Variants in TLL1 observed in about 807,000 individuals in gnomAD.
TLL1 encodes tolloid-like protein 1.
In TLL1, 49 loss-of-function variants were observed where a neutral mutation model predicts 128.2. The ratio of observed to expected loss-of-function variants is 0.38; its 90% confidence interval spans 0.30 to 0.48. The LOEUF (loss-of-function observed/expected upper bound fraction) is 0.48, where lower values mean the gene tolerates loss of function less well. Ranked by LOEUF, TLL1 falls within the 20% of genes least tolerant of loss-of-function variation. The pLI is 0.96. For synonymous variants in TLL1, 454 were observed against 418.8 expected, an observed-to-expected ratio of 1.08 and a Z score of -1.03; for missense variants, 1,123 against 1,242.0, an observed-to-expected ratio of 0.90 and a Z score of 1.44.
In TLL1 at chr4:166,021,567, G is replaced by C. The variant is rs1458580145; in HGVS notation, c.1043-3749G>C. On this transcript the variant is annotated intron_variant, in intron 8 of 20. Coordinates refer to ENST00000061240, the MANE Select transcript of TLL1 (RefSeq NM_012464.5). ...CCTGCCTCAGCCTCCCAAGTAGCTG[G>C]GACTACAGGTGTGTGCCACCATGCC... 2.2e-4 allele frequency among the ~76,000 whole-genome samples: 34 copies of C among 151,750 alleles called. 1 individual carries two copies. Among genetic ancestry groups the C allele is most frequent in the Admixed American group, 2.2e-3 (34 of 15,218 alleles).
At chr4:166,041,789 C>A (rs1472789500) in intron 10 of TLL1, among the ~76,000 whole-genome samples, 5 of 152,138 alleles carry the variant, frequency 3.3e-5, no homozygotes, top group African/African-American at 4.8e-5. Context: ...GGTAACAATA[C>A]TGACATCAGT....
intron 12 of TLL1, among the ~76,000 whole-genome samples, chr4:166,049,361 A>T (rs1262157328): frequency 6.6e-6 from 1 of 152,150 alleles, no homozygotes; most frequent in Non-Finnish European, 1.5e-5. Context: ...TCCTTTTGTA[A>T]CTATCTTCAC....
chr4:165,956,997 A>G (rs1487918735), intron 1 of TLL1, among the ~76,000 whole-genome samples: 1 of 152,062 alleles, frequency 6.6e-6, no homozygotes, highest in East Asian at 1.9e-4. Flanking sequence ...TCAAAACCTC[A>G]AATATCAGTA....
chr4:166,038,881 G>A (rs1739117550), intron 9 of TLL1, among the ~76,000 whole-genome samples: 1 of 152,102 alleles, frequency 6.6e-6, no homozygotes, highest in Non-Finnish European at 1.5e-5. Flanking sequence ...GTGGCACATG[G>A]TGGTTATTTT....
At chr4:166,042,687 T>C (rs1739290130) in intron 11 of TLL1, among the ~76,000 whole-genome samples, 1 of 152,202 alleles carries the variant, frequency 6.6e-6, no homozygotes, top group South Asian at 2.1e-4. Flanking sequence ...TGCCAGGTTG[T>C]GGGTGGAGGA....
chr4:166,034,697 A>G (rs929593148), intron 9 of TLL1, among the ~76,000 whole-genome samples: 3 of 152,164 alleles, frequency 2.0e-5, no homozygotes, highest in Non-Finnish European at 1.5e-5. Context: ...AATATCACCT[A>G]TAGGATTTGA....
intron 5 of TLL1, among the ~76,000 whole-genome samples, chr4:166,002,253 C>T (rs952172581): frequency 6.6e-6 from 1 of 152,054 alleles, no homozygotes; most frequent in Admixed American, 6.5e-5. Flanking sequence ...GTGATCTCTT[C>T]ATAAAGGCAG....
At chr4:165,886,180 C>G (rs1413651156) in intron 1 of TLL1, among the ~76,000 whole-genome samples, 1 of 151,972 alleles carries the variant, frequency 6.6e-6, no homozygotes, top group Non-Finnish European at 1.5e-5. Context: ...ATTAAAAGAG[C>G]ACTGGATATT....
intron 1 of TLL1, among the ~76,000 whole-genome samples, chr4:165,988,888 G>A (rs187825879): frequency 6.6e-6 from 1 of 152,174 alleles, no homozygotes; most frequent in African/African-American, 2.4e-5. Context: ...TGAATGAATT[G>A]CTACAATAGC....
chr4:166,059,047 A>G (rs1373834402), intron 14 of TLL1, among the ~76,000 whole-genome samples: 2 of 152,184 alleles, frequency 1.3e-5, no homozygotes, highest in Non-Finnish European at 2.9e-5. Context: ...TATTTTTAAA[A>G]GAGGACATTG....
intron 1 of TLL1, among the ~76,000 whole-genome samples, chr4:165,975,596 G>GA (rs1481240349): frequency 9.2e-5 from 14 of 152,052 alleles, no homozygotes; most frequent in Non-Finnish European, 1.6e-4. Flanking sequence ...GAAAATAAAA[G>GA]AAAAAATATT....
chr4:166,066,949 A>G (rs1740600984), intron 16 of TLL1, among the ~76,000 whole-genome samples: 1 of 151,814 alleles, frequency 6.6e-6, no homozygotes, highest in Non-Finnish European at 1.5e-5. Flanking sequence ...TATGTGTGTT[A>G]TAAAGTTTAA....
At position 165,896,479 on chromosome 4, in the gene TLL1, CTTT is replaced by C. The variant is rs70955648; in HGVS notation, c.169+22425_169+22427del. On this transcript the variant is annotated intron_variant, in intron 1 of 20. Coordinates refer to ENST00000061240, the MANE Select transcript of TLL1 (RefSeq NM_012464.5). ...GAGATTGCTGGGTCAAATGGTATTT[CTTT>C]TTTTTTTTTTTTTTTTTTCAGACCG... Among the ~76,000 whole-genome samples the C allele has an allele frequency of 2.4e-4, 25 of 102,148 alleles. 1 individual carries two copies. The highest frequency in any genetic ancestry group is 7.5e-4 in the African/African-American group (21 of 28,162). The allele number at this position is 102,148 out of a possible 152,430, so 67.0% of individuals were successfully genotyped here.
chr4:166,000,712 A>C (rs1009244658), intron 5 of TLL1, among the ~76,000 whole-genome samples: 2 of 152,154 alleles, frequency 1.3e-5, no homozygotes, highest in African/African-American at 2.4e-5. Context: ...CCAAAATTTG[A>C]AATTTTTTTT....
chr4:166,052,485 C>G (rs1739789669), intron 12 of TLL1, among the ~76,000 whole-genome samples: 1 of 151,996 alleles, frequency 6.6e-6, no homozygotes, highest in African/African-American at 2.4e-5. Context: ...TTAGTAGAGA[C>G]AGGGTTTCAC....
chr4:166,033,806 G>A (rs758188185), intron 9 of TLL1, among the ~76,000 whole-genome samples: 1 of 152,100 alleles, frequency 6.6e-6, no homozygotes, highest in Non-Finnish European at 1.5e-5. Context: ...CAGCGAAGAG[G>A]GTAGCTGTGT....
intron 7 of TLL1, among the ~76,000 whole-genome samples, chr4:166,012,216 G>T (rs568760329): frequency 4.6e-5 from 7 of 151,662 alleles, no homozygotes; most frequent in Middle Eastern, 6.8e-3. Context: ...AGTGAACCAT[G>T]ATATGATCTG....
chr4:165,896,138 T>G (rs62327220), intron 1 of TLL1, among the ~76,000 whole-genome samples: 29,001 of 152,114 alleles, frequency 0.19, 3,757 homozygotes, highest in Non-Finnish European at 0.29. Flanking sequence ...TGTGTCCATG[T>G]GTTCTCATTG....
At chr4:166,052,965 G>GTGTGTGTGTGTGTGTGTATATATA in intron 12 of TLL1, among the ~76,000 whole-genome samples, 1 of 99,698 alleles carries the variant, frequency 1.0e-5, no homozygotes, top group African/African-American at 3.8e-5. Context: ...GAGGTTATGT[G>GTGTGTGTGTGTGTGTGTATATATA]TATATATATA....
Sources: gnomAD v4.1 joint callset for allele counts (sites outside exome capture counted in the v4.1 genomes callset) on GRCh38, gnomAD v4.1.1 for gene constraint, MANE v1.5 for transcripts, NCBI Gene and HGNC (gene_info 2026-07-23, HGNC 2026-07-21) for gene names.